HSPG2: variants seen among roughly 807,000 people sequenced by gnomAD.
The protein encoded by HSPG2 is heparan sulfate proteoglycan 2, also known as basement membrane-specific heparan sulfate proteoglycan core protein.
Under a neutral mutation model 526.6 loss-of-function variants are expected in HSPG2, and 278 were observed. The ratio of observed to expected loss-of-function variants is 0.53; its 90% CI spans 0.48 to 0.58. HSPG2 has a LOEUF of 0.58. HSPG2 is among the 20% of genes least tolerant of loss of function. The pLI is 0.00. For synonymous variants in HSPG2, 2,465 were observed against 2,555.4 expected, an observed-to-expected ratio of 0.96 and a Z score of 1.07; for missense variants, 5,354 against 6,099.5, an observed-to-expected ratio of 0.88 and a Z score of 4.07.
intron 2 of HSPG2, 26 bp downstream of exon 2, chr1:21,896,149 C>T (rs376565596): frequency 1.9e-4 from 310 of 1,613,692 alleles, no homozygotes; most frequent in Non-Finnish European, 2.6e-4. Flanking sequence ...CACCCCTCTG[C>T]TCCCAGCCTT....
chr1:21,855,773 C>A lies in HSPG2; in HGVS notation c.5701+14G>T. 2 of 1,612,660 alleles carry A rather than the reference C, an allele frequency of 1.2e-6. No homozygotes were observed. On this transcript the variant is annotated intron_variant, in intron 45 of 96. Transcript: ENST00000374695. ...AGAGTCAGGCCTTGAATGTCATTCCCATCACGGCCTCACCTGTCCACTCGA... is the reference window on the plus strand; with the variant it reads ...AGAGTCAGGCCTTGAATGTCATTCCAATCACGGCCTCACCTGTCCACTCGA...
chr1:21,855,311 G>A lies in HSPG2; in HGVS notation c.5990C>T (p.Pro1997Leu). The change falls in exon 47 of 97, where the codon CCA (proline) becomes CTA (leucine). Residue 1997 changes from proline to leucine, a missense_variant. By Grantham distance (98) the Pro-to-Leu change is moderately conservative. Transcript: ENST00000374695. ...ITWRKEGGSL[P>L]PQARSERTDI... is the part of the protein sequence containing the mutation. ...GTGGGCCCATCTCCTCACCTGTGGTGGGAGGCTGCCCCCTTCCTTCCTCCA... is the reference window on the plus strand; with the variant it reads ...GTGGGCCCATCTCCTCACCTGTGGTAGGAGGCTGCCCCCTTCCTTCCTCCA... 6.2e-7 allele frequency: 1 copy of A among 1,604,008 alleles called. No individual in the cohort carries two copies. Among genetic ancestry groups the A allele is most frequent in the Non-Finnish European group, 8.5e-7 (1 of 1,176,340 alleles).
chr1:21,928,801 G>C (rs934031438), intron 1 of HSPG2, among the ~76,000 whole-genome samples: 1 of 151,224 alleles, frequency 6.6e-6, no homozygotes, highest in Non-Finnish European at 1.5e-5. Context: ...TCAGGCTGGA[G>C]TGCAATGGCG....
rs1557784002 is a variant in HSPG2 at position 21,885,407 on chromosome 1, A to T, written c.1123T>A (p.Cys375Ser). The T allele has an allele frequency of 6.2e-7, 1 of 1,614,052 alleles. No homozygotes were observed. Among genetic ancestry groups the T allele is most frequent in the East Asian group, 2.2e-5 (1 of 44,876 alleles). The change falls in exon 10 of 97, where the codon TGC becomes AGC. Residue 375 changes from cysteine (C) to serine (S), a missense_variant. By Grantham distance (112) the Cys-to-Ser change is moderately radical. Transcript: ENST00000374695. ...EEVCGPTQFRCVSTNMCIPAS... is the reference protein window; with the variant it reads ...EEVCGPTQFRSVSTNMCIPAS... ...GGGATGCACATGTTGGTAGAGACGC[A>T]TCGGAACTGTGTGGGCCCGCACACT... is the stretch of plus-strand genomic sequence containing the variant.
Position 21,902,937 on chromosome 1 carries a change from G to A in HSPG2, c.64-6627C>T, listed in dbSNP as rs77783157. 9.8e-4 allele frequency among the ~76,000 whole-genome samples: 149 copies of A among 152,306 alleles called. 2 individuals are homozygous for A. The highest frequency in any genetic ancestry group is 1.6e-3 in the Non-Finnish European group (110 of 68,022). On this transcript the variant is annotated intron_variant, in intron 1 of 96. Coordinates refer to ENST00000374695, the MANE Select transcript of HSPG2 (RefSeq NM_005529.7). The stretch of plus-strand genomic sequence containing the variant: ...CCATCTCAGTCCATGTGAACAACAC[G>A]TGGAAGGCAGTGACTTTGATCTGTT...
At chr1:21,899,363 G>A (rs1487617911) in intron 1 of HSPG2, among the ~76,000 whole-genome samples, 3 of 152,164 alleles carry the variant, frequency 2.0e-5, no homozygotes, top group Admixed American at 2.0e-4. Flanking sequence ...GACCCAGAAA[G>A]GGAAAGACCA....
In HSPG2 at chr1:21,848,837, G is replaced by A; in HGVS notation, c.7586-43C>T. 1 of 1,613,160 alleles carries A rather than the reference G, an allele frequency of 6.2e-7. No homozygotes were observed. Among genetic ancestry groups the A allele is most frequent in the Non-Finnish European group, 8.5e-7 (1 of 1,179,966 alleles). ...AAGGCAGGGTGTGGGAGCTGCTGAG[G>A]GTGCAGTCGGGGTCCCCCAGCCCTC... On this transcript the variant is annotated intron_variant, in intron 58 of 96. Transcript: ENST00000374695. This position sits in a 1 kb window ranked among gnomAD's most constrained non-coding sequence, Gnocchi z 4.9.
Position 21,839,093 on chromosome 1 carries a change from G to T in HSPG2, c.9890-8C>A. On this transcript the variant is annotated splice_region_variant and splice_polypyrimidine_tract_variant and intron_variant, in intron 73 of 96. Coordinates refer to ENST00000374695, the MANE Select transcript of HSPG2 (RefSeq NM_005529.7). The surrounding 1 kb of genome is among the most constrained non-coding windows in gnomAD (Gnocchi z 4.5). ...TGGTGGCATATGGTGGGCCTGAGTG[G>T]GGGGACACAGAGGTCAGGATTGGGG... The T allele has an allele frequency of 6.4e-7, 1 of 1,574,112 alleles. No individual in the cohort carries two copies. The highest frequency in any genetic ancestry group is 8.7e-7 in the Non-Finnish European group (1 of 1,155,536).
At chr1:21,934,226 G>A (rs559861524) in intron 1 of HSPG2, among the ~76,000 whole-genome samples, 45 of 152,388 alleles carry the variant, frequency 3.0e-4, no homozygotes, top group African/African-American at 1.1e-3. Context: ...CCCTGCTGCT[G>A]TGCCCAACCC....
chr1:21,829,029 G>A lies in HSPG2; in HGVS notation c.12043C>T (p.Arg4015Cys), dbSNP rs745720885. ...TTGTTGAGACGCTCTGCAGACACAC[G>A]GTGCCAGCGGCCCAGGGCCAGCGGC... is the stretch of plus-strand genomic sequence containing the variant. ...AEPLALGRWHRVSAERLNKDG... is the reference protein window; with the variant it reads ...AEPLALGRWHCVSAERLNKDG... The change falls in exon 88 of 97, where the codon CGT becomes TGT. Residue 4015 changes from arginine to cysteine, a missense_variant. By Grantham distance (180) the Arg-to-Cys change is radical. Coordinates refer to ENST00000374695, the MANE Select transcript of HSPG2 (RefSeq NM_005529.7). 8.4e-6 allele frequency: 13 copies of A among 1,551,680 alleles called. No individual in the cohort carries two copies. The African/African-American group carries it at 9.6e-5, about 11-fold the overall frequency.
intron 1 of HSPG2, among the ~76,000 whole-genome samples, chr1:21,928,381 C>A (rs1461701249): frequency 1.3e-5 from 2 of 152,254 alleles, no homozygotes; most frequent in Non-Finnish European, 2.9e-5. Context: ...CAGCAAGGAG[C>A]CTGGGCCTTC....
Position 21,922,148 on chromosome 1 carries a change from A to G in HSPG2, c.63+15007T>C, listed in dbSNP as rs570261592. Among the ~76,000 whole-genome samples the G allele has an allele frequency of 2.0e-5, 3 of 152,346 alleles. No individual in the cohort carries two copies. In the East Asian group the frequency reaches 5.8e-4, roughly 29 times the overall value. On this transcript the variant is annotated intron_variant, in intron 1 of 96. Transcript: ENST00000374695. ...TTTATCAACTGCCCATTCCAGCTGT[A>G]GGCTATTTATATGATCTCTAATCTT... is the stretch of plus-strand genomic sequence containing the variant.
Position 21,859,734 on chromosome 1 carries a change from C to G in HSPG2, c.5183-58G>C. 1 of 1,583,206 alleles carries G rather than the reference C, an allele frequency of 6.3e-7. No homozygotes were observed. The highest frequency in any genetic ancestry group is 8.6e-7 in the Non-Finnish European group (1 of 1,162,998). ...AGATACACTCTTTCTCACATCCAGC[C>G]CCATGCACAAGGACAGCATCCCACT... On this transcript the variant is annotated intron_variant, in intron 41 of 96. Coordinates refer to ENST00000374695, the MANE Select transcript of HSPG2 (RefSeq NM_005529.7). This position sits in a 1 kb window ranked among gnomAD's most constrained non-coding sequence, Gnocchi z 5.3.
Position 21,836,977 on chromosome 1 carries a change from T to C in HSPG2, c.10180A>G (p.Ile3394Val). The C allele has an allele frequency of 1.9e-6, 3 of 1,553,756 alleles. No homozygotes were observed. The highest frequency in any genetic ancestry group is 2.6e-6 in the Non-Finnish European group (3 of 1,148,822). The change falls in exon 75 of 97, where the codon ATC becomes GTC. Residue 3394 changes from isoleucine to valine, a missense_variant. Transcript: ENST00000374695. The part of the protein sequence containing the change: ...GPPGSLPATS[I>V]PAGSTPTVQV... ...ACGGTGGGCGTGGACCCTGCTGGGA[T>C]GGAGGTGGCAGGGAGAGAGCCGGGA...
intron 44 of HSPG2, 83 bp downstream of exon 44, chr1:21,856,932 C>A: frequency 7.1e-7 from 1 of 1,412,888 alleles, no homozygotes; most frequent in Non-Finnish European, 1.0e-6. Flanking sequence ...AAATGATCAG[C>A]AGAATGAAGA....
intron 91 of HSPG2, among the ~76,000 whole-genome samples, chr1:21,826,715 G>A (rs2097976538): frequency 6.6e-6 from 1 of 151,676 alleles, no homozygotes; most frequent in African/African-American, 2.4e-5. Flanking sequence ...CTCCATGTTG[G>A]TCAGGCTGGT....
At position 21,824,948 on chromosome 1, in the gene HSPG2, C is replaced by G; in HGVS notation, c.12590-169G>C. 1 of 677,116 alleles carries G rather than the reference C, an allele frequency of 1.5e-6. No individual in the cohort carries two copies. The highest frequency in any genetic ancestry group is 2.7e-6 in the Non-Finnish European group (1 of 369,304). 41.9% of individuals were successfully genotyped at this position (677,116 alleles called of 1,614,324 possible). A position where few individuals can be genotyped will look rare whatever the true frequency, so the allele number is the denominator to read the frequency against. On this transcript the variant is annotated intron_variant, in intron 91 of 96. Coordinates refer to ENST00000374695, the MANE Select transcript of HSPG2 (RefSeq NM_005529.7). This position sits in a 1 kb window ranked among gnomAD's most constrained non-coding sequence, Gnocchi z 5.9. ...CAACAGAATTCAGGGAGCCTATGAC[C>G]TTGGATGGGAAAGCATTACACCTCA... is the stretch of plus-strand genomic sequence containing the variant.
Position 21,880,708 on chromosome 1 carries a change from TG to T in HSPG2, c.1945del (p.His649ThrfsTer9). On this transcript the variant is annotated frameshift_variant, in exon 15 of 97. Coordinates refer to ENST00000374695, the MANE Select transcript of HSPG2 (RefSeq NM_005529.7). LOFTEE classifies it high-confidence loss of function. The part of the protein sequence containing the change: ...GAGYRLLSRG[H>X]TPTQPGALNQ... Reference sequence around the variant, plus strand: ...CAGAGCACCAGGTTGGGTGGGTGTGTGGCCTCGGGAGAGGAGGCGGTACCCG... The same window carrying T: ...CAGAGCACCAGGTTGGGTGGGTGTGTGCCTCGGGAGAGGAGGCGGTACCCG... 1.3e-6 allele frequency: 2 copies of T among 1,599,888 alleles called. No individual in the cohort carries two copies. Among genetic ancestry groups the T allele is most frequent in the Non-Finnish European group, 1.7e-6 (2 of 1,173,792 alleles).
At chr1:21,837,060 T>C (rs1047337315) in intron 74 of HSPG2, 54 bp from the exon 75 acceptor site, 4 of 1,472,160 alleles carry the variant, frequency 2.7e-6, no homozygotes, top group African/African-American at 1.4e-5. Flanking sequence ...ATGTCCCTGA[T>C]GCCCCTCCAG....
Sources: allele counts gnomAD v4.1 joint callset (sites outside exome capture counted in the v4.1 genomes callset), GRCh38; gene constraint gnomAD v4.1.1; non-coding constraint Gnocchi (gnomAD v3.1); transcripts MANE v1.5; gene names NCBI Gene and HGNC (gene_info 2026-07-23, HGNC 2026-07-21).